ENTREP2: variants seen among roughly 807,000 people sequenced by gnomAD.
The protein encoded by ENTREP2 is protein ENTREP2.
At chr15:29,196,663 G>A in the ENTREP2 span, 1 of 1,323,560 alleles carries the variant, frequency 7.6e-7, no homozygotes, top group Non-Finnish European at 1.0e-6. Flanking sequence ...AAATGGCTCA[G>A]TTCAAAGGAG....
the ENTREP2 span, among the ~76,000 whole-genome samples, chr15:29,480,413 G>A: frequency 1.4e-5 from 2 of 144,226 alleles, no homozygotes; most frequent in African/African-American, 5.2e-5. Flanking sequence ...GTCCTAAGGA[G>A]ATAGCTTCCC....
the ENTREP2 span, among the ~76,000 whole-genome samples, chr15:29,642,480 C>CATATACACACATATATAT: frequency 7.4e-6 from 1 of 134,562 alleles, no homozygotes; most frequent in Admixed American, 7.6e-5. Context: ...ACTGTATATA[C>CATATACACACATATATAT]ACATATATAC....
the ENTREP2 span, among the ~76,000 whole-genome samples, chr15:29,439,333 A>AC: frequency 7.2e-4 from 78 of 107,888 alleles, 1 homozygote; most frequent in Admixed American, 5.4e-3. Context: ...ACACACACAC[A>AC]AACAGTAGAG....
chr15:29,269,505 G>A, the ENTREP2 span: 4 of 1,602,328 alleles, frequency 2.5e-6, no homozygotes, highest in Admixed American at 5.1e-5. Flanking sequence ...CCCGGCGGGC[G>A]CCCTGAGGCG....
At chr15:29,634,126 C>A in the ENTREP2 span, among the ~76,000 whole-genome samples, 3 of 152,102 alleles carry the variant, frequency 2.0e-5, no homozygotes, top group Non-Finnish European at 2.9e-5. Flanking sequence ...ACGAGGTCTT[C>A]AGATGCCCCT....
At chr15:29,203,151 C>G in the ENTREP2 span, among the ~76,000 whole-genome samples, 1 of 152,190 alleles carries the variant, frequency 6.6e-6, no homozygotes, top group Non-Finnish European at 1.5e-5. Context: ...GCCTATAATC[C>G]CGGTACTTTG....
chr15:29,284,599 T>G, the ENTREP2 span, among the ~76,000 whole-genome samples: 1 of 150,428 alleles, frequency 6.6e-6, no homozygotes, highest in African/African-American at 2.4e-5. Flanking sequence ...CAGTCTAATA[T>G]CACATTTCTC....
chr15:29,456,834 G>C, the ENTREP2 span, among the ~76,000 whole-genome samples: 2 of 152,278 alleles, frequency 1.3e-5, no homozygotes, highest in African/African-American at 4.8e-5. Context: ...CAGGAGGCTG[G>C]AACACATAAT....
At chr15:29,494,729 T>C in the ENTREP2 span, among the ~76,000 whole-genome samples, 1 of 152,240 alleles carries the variant, frequency 6.6e-6, no homozygotes, top group African/African-American at 2.4e-5. Context: ...CGTTTTTAGA[T>C]TCCACATATA....
At chr15:29,633,966 G>A in the ENTREP2 span, among the ~76,000 whole-genome samples, 4 of 151,146 alleles carry the variant, frequency 2.6e-5, no homozygotes, top group African/African-American at 9.7e-5. Flanking sequence ...AAAAGAAAAA[G>A]AAAAAACGGG....
the ENTREP2 span, among the ~76,000 whole-genome samples, chr15:29,384,115 C>A: frequency 2.6e-5 from 4 of 152,260 alleles, no homozygotes; most frequent in East Asian, 7.7e-4. Context: ...GTGGGCACAC[C>A]ATGTTCCCAT....
At chr15:29,311,899 C>T in the ENTREP2 span, among the ~76,000 whole-genome samples, 1 of 152,132 alleles carries the variant, frequency 6.6e-6, no homozygotes, top group African/African-American at 2.4e-5. Context: ...AAGAGTGATT[C>T]AGCATTAGCA....
chr15:29,137,950 C>G, the ENTREP2 span, among the ~76,000 whole-genome samples: 5,279 of 152,092 alleles, frequency 0.035, 301 homozygotes, highest in African/African-American at 0.12. Flanking sequence ...TTCCCGTGGT[C>G]AATCTGTGGG....
the ENTREP2 span, among the ~76,000 whole-genome samples, chr15:29,224,346 G>A: frequency 6.6e-6 from 1 of 152,108 alleles, no homozygotes; most frequent in Non-Finnish European, 1.5e-5. Flanking sequence ...GCAACTTATT[G>A]CAAACATTGA....
chr15:29,234,261 G>C, the ENTREP2 span: 6 of 1,612,458 alleles, frequency 3.7e-6, no homozygotes, highest in Non-Finnish European at 5.1e-6. Flanking sequence ...TCCGCAGAAG[G>C]AGTTTTAAGT....
chr15:29,553,278 A>T, the ENTREP2 span, among the ~76,000 whole-genome samples: 1 of 152,232 alleles, frequency 6.6e-6, no homozygotes, highest in Non-Finnish European at 1.5e-5. Flanking sequence ...CCTGGGCAAC[A>T]GAGCAAGACT....
chr15:29,300,589 G>C, the ENTREP2 span, among the ~76,000 whole-genome samples: 1 of 152,038 alleles, frequency 6.6e-6, no homozygotes, highest in Non-Finnish European at 1.5e-5. Flanking sequence ...AGGAAGCGAG[G>C]TACAGAACAT....
At chr15:29,496,897 G>C in the ENTREP2 span, among the ~76,000 whole-genome samples, 1 of 152,048 alleles carries the variant, frequency 6.6e-6, no homozygotes, top group Non-Finnish European at 1.5e-5. Context: ...TTGCTATCAG[G>C]GTAATGCTAG....
At chr15:29,374,203 G>T in the ENTREP2 span, 1 of 152,220 alleles carries the variant, frequency 6.6e-6, no homozygotes, top group South Asian at 2.1e-4. Context: ...ATTCATGGAA[G>T]AAATTCAAAT....
Sources: gnomAD v4.1 joint callset for allele counts (sites outside exome capture counted in the v4.1 genomes callset) on GRCh38, gnomAD v4.1.1 for gene constraint, MANE v1.5 for transcripts, NCBI Gene and HGNC (gene_info 2026-07-23, HGNC 2026-07-21) for gene names.